The following LRRC37A2 variants were observed in gnomAD, a reference collection of about 807,000 sequenced individuals.
LRRC37A2 encodes leucine-rich repeat-containing protein 37A2.
LRRC37A2 carries 9 observed loss-of-function variants against 68.8 expected under a neutral mutation model. The observed-to-expected ratio is 0.13, with a 90% CI of 0.08 to 0.23. The LOEUF (loss-of-function observed/expected upper bound fraction) is 0.23, where lower values mean the gene tolerates loss of function less well. Ranked by LOEUF, LRRC37A2 falls within the 10% of genes least tolerant of loss-of-function variation. The pLI is 1.00. For synonymous variants in LRRC37A2, 63 were observed against 367.6 expected (o/e 0.17, Z 9.48); for missense variants, 168 against 950.4 (o/e 0.18, Z 10.82).
chr17:46,918,307 T>G, the LRRC37A2 span, among the ~76,000 whole-genome samples: 5 of 152,194 alleles, frequency 3.3e-5, no homozygotes, highest in Non-Finnish European at 7.3e-5. Flanking sequence ...CTTGATCTCT[T>G]GACCTCGTGA....
the LRRC37A2 span, among the ~76,000 whole-genome samples, chr17:46,976,476 G>A: frequency 6.6e-6 from 1 of 151,952 alleles, no homozygotes; most frequent in Non-Finnish European, 1.5e-5. Flanking sequence ...GAACCTGGGA[G>A]GCAGGGGTTT....
At chr17:47,028,489 C>G in the LRRC37A2 span, 4 of 705,808 alleles carry the variant, frequency 5.7e-6, no homozygotes, top group Admixed American at 9.5e-5. Context: ...ATTCATTTTT[C>G]TCAAATGGGG....
the LRRC37A2 span, among the ~76,000 whole-genome samples, chr17:46,949,845 C>T: frequency 6.6e-6 from 1 of 152,180 alleles, no homozygotes; most frequent in Non-Finnish European, 1.5e-5. Context: ...GATTCTGTGG[C>T]TGGAGCTCAG....
chr17:46,809,510 C>T, the LRRC37A2 span, among the ~76,000 whole-genome samples: 1 of 152,202 alleles, frequency 6.6e-6, no homozygotes, highest in Non-Finnish European at 1.5e-5. Flanking sequence ...CGCAGTTTTT[C>T]CAGCCGAGCT....
At chr17:46,921,836 G>A in the LRRC37A2 span, among the ~76,000 whole-genome samples, 2 of 152,198 alleles carry the variant, frequency 1.3e-5, no homozygotes, top group Non-Finnish European at 2.9e-5. Flanking sequence ...GGAAACAACA[G>A]CTGCTGGAGA....
the LRRC37A2 span, among the ~76,000 whole-genome samples, chr17:46,858,116 G>A: frequency 2.0e-5 from 3 of 152,188 alleles, no homozygotes; most frequent in African/African-American, 7.2e-5. Context: ...TTGTAGTAGA[G>A]ATAAGGTTTC....
chr17:46,739,628 C>T, the LRRC37A2 span, among the ~76,000 whole-genome samples: 1 of 151,822 alleles, frequency 6.6e-6, no homozygotes, highest in South Asian at 2.1e-4. Context: ...TCCTGTGGGC[C>T]CCTTCCTCTA....
At chr17:46,383,809 C>CTT in the LRRC37A2 span, among the ~76,000 whole-genome samples, 1 of 18,306 alleles carries the variant, frequency 5.5e-5, no homozygotes, top group African/African-American at 1.9e-4. Flanking sequence ...TATAATTACC[C>CTT]TTTTTTTTTT....
At chr17:46,851,465 G>A in the LRRC37A2 span, 3 of 333,796 alleles carry the variant, frequency 9.0e-6, no homozygotes, top group Non-Finnish European at 1.6e-5. This position sits in a 1 kb window ranked among gnomAD's most constrained non-coding sequence, Gnocchi z 4.3. Context: ...AGGGCGGTGG[G>A]GCCAATGGGG....
At chr17:46,959,013 A>C in the LRRC37A2 span, among the ~76,000 whole-genome samples, 3 of 152,248 alleles carry the variant, frequency 2.0e-5, no homozygotes, top group Non-Finnish European at 4.4e-5. Flanking sequence ...TGCAGCCATG[A>C]AGAGTGGCCT....
chr17:46,807,957 A>G, the LRRC37A2 span, among the ~76,000 whole-genome samples: 2 of 152,202 alleles, frequency 1.3e-5, no homozygotes, highest in Admixed American at 1.3e-4. Flanking sequence ...GAAATGAACA[A>G]TTGGCTGTTT....
chr17:46,880,346 C>A, the LRRC37A2 span, among the ~76,000 whole-genome samples: 2 of 152,214 alleles, frequency 1.3e-5, no homozygotes, highest in African/African-American at 4.8e-5. Flanking sequence ...TGTCTCAGGA[C>A]ACTTTAGAAT....
At chr17:46,858,456 G>A in the LRRC37A2 span, among the ~76,000 whole-genome samples, 1 of 151,402 alleles carries the variant, frequency 6.6e-6, no homozygotes, top group South Asian at 2.1e-4. Context: ...TTCTTCCTAC[G>A]TTTTCTCCTT....
the LRRC37A2 span, among the ~76,000 whole-genome samples, chr17:46,657,633 A>G: frequency 4.0e-5 from 5 of 126,508 alleles, no homozygotes; most frequent in Non-Finnish European, 6.7e-5. Context: ...AAGGTCTGTC[A>G]CACTTAACGT....
At chr17:46,722,043 C>T in the LRRC37A2 span, 2 of 1,609,790 alleles carry the variant, frequency 1.2e-6, no homozygotes, top group Non-Finnish European at 1.7e-6. Context: ...ATATTCAGCT[C>T]CCTGAGCTGA....
chr17:47,029,809 C>T, the LRRC37A2 span, among the ~76,000 whole-genome samples: 3 of 152,042 alleles, frequency 2.0e-5, no homozygotes, highest in Non-Finnish European at 2.9e-5. Flanking sequence ...TGGCTCATGC[C>T]TGTAATTCCA....
At chr17:47,028,385 A>G in the LRRC37A2 span, 3 of 1,319,380 alleles carry the variant, frequency 2.3e-6, no homozygotes, top group Non-Finnish European at 3.3e-6. Context: ...AGATGAATAC[A>G]TGTAAACAAC....
chr17:46,540,090 TTCC>T, intron 6 of LRRC37A2, 83 bp from the exon 6 acceptor site: 2 of 1,462,512 alleles, frequency 1.4e-6, no homozygotes, highest in Non-Finnish European at 1.8e-6. Flanking sequence ...TACCTACAAG[TTCC>T]ATATCAAAAA....
the LRRC37A2 span, chr17:46,755,451 C>G: frequency 8.6e-7 from 1 of 1,165,856 alleles, no homozygotes; most frequent in Non-Finnish European, 1.3e-6. Flanking sequence ...GAGTTGCTTT[C>G]CTAGATAAGT....
Sources: allele counts gnomAD v4.1 joint callset (sites outside exome capture counted in the v4.1 genomes callset), GRCh38; gene constraint gnomAD v4.1.1; non-coding constraint Gnocchi (gnomAD v3.1); transcripts MANE v1.5; gene names NCBI Gene and HGNC (gene_info 2026-07-23, HGNC 2026-07-21).